Variants in CAPN8 observed in about 807,000 individuals in gnomAD.
CAPN8 encodes the protein calpain 8, also known as calpain-8.
In CAPN8, 87 loss-of-function variants were observed where a neutral mutation model predicts 80.9. The observed-to-expected ratio is 1.07, with a 90% CI of 0.90 to 1.28. The LOEUF (loss-of-function observed/expected upper bound fraction) is 1.28. CAPN8 is among the 50% of genes most tolerant of loss of function. The probability of loss-of-function intolerance (pLI) is 0.00; values close to 1 mark genes in which losing one functional copy is unlikely to be tolerated. For missense variants in CAPN8, 757 were observed against 702.0 expected, an observed-to-expected ratio of 1.08 and a Z score of -0.89; for synonymous variants, 299 against 273.8, an observed-to-expected ratio of 1.09 and a Z score of -0.91.
chr1:223,618,300 G>A lies in CAPN8; in HGVS notation c.1135+993C>T, dbSNP rs1344962405. ...GAGGAGCCTACACAGGGACACATTAGTGATCTTCTGCGAGCCAGGAAAGCT... is the reference window on the plus strand; with the variant it reads ...GAGGAGCCTACACAGGGACACATTAATGATCTTCTGCGAGCCAGGAAAGCT... On this transcript the variant is annotated intron_variant, in intron 9 of 20. Coordinates refer to ENST00000366872, the MANE Select transcript of CAPN8 (RefSeq NM_001143962.2). 3.2e-6 allele frequency: 5 copies of A among 1,550,330 alleles called. No homozygotes were observed. The Admixed American group carries it at 5.9e-5, about 18-fold the overall frequency.
chr1:223,648,236 G>GTGA (rs1253762182), intron 2 of CAPN8, among the ~76,000 whole-genome samples: 3 of 152,212 alleles, frequency 2.0e-5, no homozygotes, highest in African/African-American at 7.2e-5. Context: ...CGGAGTAGAG[G>GTGA]AGCCACCACG....
chr1:223,617,934 G>A, intron 9 of CAPN8: 1 of 303,666 alleles, frequency 3.3e-6, no homozygotes, highest in Non-Finnish European at 6.2e-6. Flanking sequence ...GGTCACAGCT[G>A]CCTGAACCGG....
chr1:223,655,530 A>T (rs1421373798), intron 1 of CAPN8, among the ~76,000 whole-genome samples: 2 of 152,174 alleles, frequency 1.3e-5, no homozygotes, highest in African/African-American at 4.8e-5. Context: ...AAAGAAATAA[A>T]CCACGTAGTT....
At chr1:223,643,971 C>T (rs151003902) in intron 2 of CAPN8, 7 of 173,440 alleles carry the variant, frequency 4.0e-5, no homozygotes, top group African/African-American at 1.4e-4. Context: ...TTAATACAAA[C>T]AATCCCACAG....
At position 223,660,865 on chromosome 1, in the gene CAPN8, C is replaced by A. The variant is rs10915937; in HGVS notation, c.237+4545G>T. On this transcript the variant is annotated intron_variant, in intron 1 of 20. Transcript: ENST00000366872. ...CAGTGAAATAAAAAAGCAAACGACA[C>A]AATTAAAAATGGGCAAAGGGGCTGG... Among the ~76,000 whole-genome samples, 602 of 152,160 alleles carry A rather than the reference C, an allele frequency of 4.0e-3. 7 individuals are homozygous for A. Among genetic ancestry groups the A allele is most frequent in the African/African-American group, 0.014 (574 of 41,512 alleles).
chr1:223,609,879 G>T (rs1041875637), intron 11 of CAPN8, among the ~76,000 whole-genome samples: 23 of 152,330 alleles, frequency 1.5e-4, no homozygotes, highest in African/African-American at 5.5e-4. Flanking sequence ...GGAACCCAGG[G>T]AGGCAGCTCT....
chr1:223,558,088 T>A (rs1656946041), intron 13 of CAPN8, 43 bp downstream of exon 13: 1 of 398,522 alleles, frequency 2.5e-6, no homozygotes, highest in East Asian at 3.6e-5. Flanking sequence ...GAATGACTGC[T>A]ATGCAACAGT....
Position 223,609,369 on chromosome 1 carries a change from A to G in CAPN8, c.1324-5T>C. ...TGCGTCCGTGTGACTCTCCAGCTGC[A>G]CGAAACAATAAGCAGAGTCAATTTC... On this transcript the variant is annotated splice_polypyrimidine_tract_variant and splice_region_variant and intron_variant, in intron 11 of 20. Transcript: ENST00000366872. The G allele has an allele frequency of 2.5e-6, 1 of 398,590 alleles. No homozygotes were observed. The highest frequency in any genetic ancestry group is 4.4e-6 in the Non-Finnish European group (1 of 226,050). 24.7% of individuals were successfully genotyped at this position (398,590 alleles called of 1,614,324 possible).
At chr1:223,543,489 G>A (rs144496509) in intron 19 of CAPN8, among the ~76,000 whole-genome samples, 9 of 152,298 alleles carry the variant, frequency 5.9e-5, no homozygotes, top group African/African-American at 2.2e-4. Flanking sequence ...ACAGATTGTG[G>A]TTGTCTTGCT....
At chr1:223,555,046 C>T (rs944378309) in intron 13 of CAPN8, among the ~76,000 whole-genome samples, 1 of 152,098 alleles carries the variant, frequency 6.6e-6, no homozygotes, top group Non-Finnish European at 1.5e-5. Flanking sequence ...TACAAAAGGC[C>T]CAATATAGCT....
intron 15 of CAPN8, 97 bp downstream of exon 15, chr1:223,550,863 A>T: frequency 1.5e-6 from 1 of 661,542 alleles, no homozygotes; most frequent in Non-Finnish European, 2.8e-6. Flanking sequence ...CCTTTCTCCC[A>T]CCTGTGGTGC....
intron 1 of CAPN8, among the ~76,000 whole-genome samples, chr1:223,663,767 G>C (rs1658715252): frequency 6.6e-6 from 1 of 152,192 alleles, no homozygotes; most frequent in African/African-American, 2.4e-5. Flanking sequence ...GGGCAGCATG[G>C]CCAAGGAGTT....
At chr1:223,627,948 G>T in intron 4 of CAPN8, 61 bp downstream of exon 4, 1 of 1,467,942 alleles carries the variant, frequency 6.8e-7, no homozygotes. Context: ...ACGTGGGAGG[G>T]ACAGGTGAGA....
At chr1:223,655,652 G>A (rs1049503705) in intron 1 of CAPN8, among the ~76,000 whole-genome samples, 2 of 152,156 alleles carry the variant, frequency 1.3e-5, no homozygotes, top group Non-Finnish European at 2.9e-5. Flanking sequence ...TATCCACAAA[G>A]GGAGAAAAAA....
intron 2 of CAPN8, among the ~76,000 whole-genome samples, chr1:223,635,298 G>T (rs946318152): frequency 1.3e-5 from 2 of 152,078 alleles, no homozygotes; most frequent in Admixed American, 6.6e-5. Context: ...AGCCCTTGGC[G>T]TTTGATTCAT....
chr1:223,552,559 CAAAAAAAA>C (rs1167143421), intron 14 of CAPN8, among the ~76,000 whole-genome samples: 3 of 65,676 alleles, frequency 4.6e-5, no homozygotes, highest in South Asian at 6.6e-4. Flanking sequence ...CAGTCCATCT[CAAAAAAAA>C]AAAAAAAAAA....
At chr1:223,553,391 G>A (rs1656841759) in intron 14 of CAPN8, among the ~76,000 whole-genome samples, 1 of 152,166 alleles carries the variant, frequency 6.6e-6, no homozygotes, top group African/African-American at 2.4e-5. Flanking sequence ...ACGGTGACAG[G>A]GAACAGGGCT....
At chr1:223,617,279 T>TGCG (rs533821278) in intron 9 of CAPN8, 2 of 119,414 alleles carry the variant, frequency 1.7e-5, no homozygotes, top group East Asian at 4.8e-4. Context: ...CACTTTTTTT[T>TGCG]TGGGGGGGGG....
rs115728816 is a variant in CAPN8, at chr1:223,543,806, G to A, written c.2029+261C>T. ...CCTAGTGACTGCACACTGTAGATGC[G>A]CAATAGTCTGGATGGCAGCTTTGTT... On this transcript the variant is annotated intron_variant, in intron 19 of 20. Transcript: ENST00000366872. Among the ~76,000 whole-genome samples, 336 of 152,304 alleles carry A rather than the reference G, an allele frequency of 2.2e-3. 1 individual carries two copies. The highest frequency in any genetic ancestry group is 2.6e-3 in the Non-Finnish European group (180 of 68,030).
Sources: gnomAD v4.1 joint callset for allele counts (sites outside exome capture counted in the v4.1 genomes callset) on GRCh38, gnomAD v4.1.1 for gene constraint, MANE v1.5 for transcripts, NCBI Gene and HGNC (gene_info 2026-07-23, HGNC 2026-07-21) for gene names.